Variants in GLI3 observed in about 807,000 individuals in gnomAD.
GLI3 encodes GLI family zinc finger 3, also known as transcription activator GLI3.
Under a neutral mutation model 100.8 loss-of-function variants are expected in GLI3, and 20 were observed. That is an observed-to-expected ratio of 0.20 (90% CI 0.14 to 0.29). The LOEUF (loss-of-function observed/expected upper bound fraction) is 0.29, where lower values mean the gene tolerates loss of function less well. Among genes scored for constraint, GLI3 ranks in the 10% least tolerant of loss-of-function variants. The probability of loss-of-function intolerance (pLI) is 1.00; values close to 1 mark genes in which losing one functional copy is unlikely to be tolerated. For synonymous variants in GLI3, 938 were observed against 860.5 expected, an observed-to-expected ratio of 1.09 and a Z score of -1.58; for missense variants, 2,040 against 2,128.5, an observed-to-expected ratio of 0.96 and a Z score of 0.82.
intron 11 of GLI3, 48 bp from the exon 12 acceptor site, chr7:41,977,770 AGCTTAT>A (rs1412610378): frequency 2.0e-6 from 3 of 1,534,426 alleles, no homozygotes; most frequent in Middle Eastern, 1.7e-4. Context: ...TGGCAACAGC[AGCTTAT>A]GCCTAACACG....
intron 2 of GLI3, among the ~76,000 whole-genome samples, chr7:42,170,287 T>C (rs370164643): frequency 0.024 from 2,995 of 123,940 alleles, 95 homozygotes; most frequent in African/African-American, 0.085. Flanking sequence ...TATATATATA[T>C]ACACACACAT....
At chr7:42,062,061 G>C (rs974097074) in intron 4 of GLI3, among the ~76,000 whole-genome samples, 2 of 152,088 alleles carry the variant, frequency 1.3e-5, no homozygotes, top group Non-Finnish European at 2.9e-5. Context: ...AGAATTACTT[G>C]TTCATATTAC....
At chr7:42,230,104 G>GGC (rs1788667913) in intron 1 of GLI3, among the ~76,000 whole-genome samples, 1 of 119,636 alleles carries the variant, frequency 8.4e-6, no homozygotes, top group Admixed American at 8.2e-5. Context: ...TGGGCGGGGG[G>GGC]GGGGGGGGTG....
At chr7:42,078,874 C>T (rs546590022) in intron 3 of GLI3, among the ~76,000 whole-genome samples, 54 of 152,010 alleles carry the variant, frequency 3.6e-4, no homozygotes, top group Non-Finnish European at 4.7e-4. Context: ...GGACTACAGG[C>T]GCCCGCCACC....
chr7:42,172,181 C>A lies in GLI3; in HGVS notation c.125-23713G>T, dbSNP rs140493996. On this transcript the variant is annotated intron_variant, in intron 2 of 14. Transcript: ENST00000395925. ...CTGTACGTAGGCCCGTTATCTCCTT[C>A]GTAGTTCTCTTCATAAGAGAAGTTT... is the stretch of plus-strand genomic sequence containing the variant. 2.4e-3 allele frequency among the ~76,000 whole-genome samples: 372 copies of A among 152,066 alleles called. 2 individuals carry two copies. Among genetic ancestry groups the A allele is most frequent in the African/African-American group, 8.3e-3 (344 of 41,474 alleles).
intron 2 of GLI3, among the ~76,000 whole-genome samples, chr7:42,168,480 A>C (rs958618145): frequency 2.0e-5 from 3 of 152,240 alleles, no homozygotes; most frequent in Non-Finnish European, 1.5e-5. Context: ...ACAGATTCAT[A>C]AATTGTGATA....
chr7:41,977,408 C>G lies in GLI3; in HGVS notation c.1812+150G>C. ...CCAGTTTCCAGTCCCACCTAGGAAG[C>G]TCAAGCCTTCACCTGCAGGGGCAGA... is the stretch of plus-strand genomic sequence containing the variant. On this transcript the variant is annotated intron_variant, in intron 12 of 14. Coordinates refer to ENST00000395925, the MANE Select transcript of GLI3 (RefSeq NM_000168.6). 3.8e-6 allele frequency: 3 copies of G among 787,514 alleles called. No individual in the cohort carries two copies. In the South Asian group the frequency reaches 4.4e-5, roughly 12 times the overall value. The allele number at this position is 787,514 out of a possible 1,614,324, so 48.8% of individuals were successfully genotyped here. A position where few individuals can be genotyped will look rare whatever the true frequency, so the allele number is the denominator to read the frequency against.
At chr7:42,127,787 T>C (rs889130187) in intron 3 of GLI3, among the ~76,000 whole-genome samples, 8 of 152,132 alleles carry the variant, frequency 5.3e-5, no homozygotes, top group Non-Finnish European at 1.0e-4. Flanking sequence ...GGCAGCAGAT[T>C]GCTTGAGCTC....
At chr7:42,071,342 G>A (rs1296482107) in intron 4 of GLI3, among the ~76,000 whole-genome samples, 1 of 152,030 alleles carries the variant, frequency 6.6e-6, no homozygotes, top group Non-Finnish European at 1.5e-5. Flanking sequence ...GGTGGAGGAG[G>A]CGGGGGGAAA....
chr7:42,119,196 C>G lies in GLI3; in HGVS notation c.367+29030G>C, dbSNP rs574724727. Among the ~76,000 whole-genome samples the G allele has an allele frequency of 7.2e-5, 11 of 152,322 alleles. No homozygotes were observed. In the South Asian group the frequency reaches 2.3e-3, roughly 32 times the overall value. On this transcript the variant is annotated intron_variant, in intron 3 of 14. Coordinates refer to ENST00000395925, the MANE Select transcript of GLI3 (RefSeq NM_000168.6). ...CTTCTATTAGAAAAAGGGATCTTGT[C>G]AATGAATGTGTCCTGTGTCTACATT...
At chr7:42,246,053 C>T (rs1162198446) in intron 1 of GLI3, among the ~76,000 whole-genome samples, 1 of 152,150 alleles carries the variant, frequency 6.6e-6, no homozygotes, top group African/African-American at 2.4e-5. Flanking sequence ...GTTGAATTGC[C>T]TTGGACAGAG....
chr7:41,965,445 C>T lies in GLI3; in HGVS notation c.3628G>A (p.Ala1210Thr). 6.2e-7 allele frequency: 1 copy of T among 1,608,002 alleles called. No homozygotes were observed. ...HPQNPLRSGP[A>T]GGYQTLGENS... The stretch of plus-strand genomic sequence containing the variant: ...TCCCCGAGGGTCTGATAGCCCCCAG[C>T]AGGCCCGCTCCTCAAGGGGTTCTGC... The change falls in exon 15 of 15, where the codon GCT (alanine) becomes ACT (threonine). Residue 1210 changes from alanine to threonine, a missense_variant. By Grantham distance (58) the Ala-to-Thr change is moderately conservative (BLOSUM62 0). Transcript: ENST00000395925.
intron 1 of GLI3, among the ~76,000 whole-genome samples, chr7:42,223,680 C>A (rs1429844079): frequency 6.6e-6 from 1 of 152,142 alleles, no homozygotes; most frequent in Non-Finnish European, 1.5e-5. Context: ...CAGGAAGGGG[C>A]ATTTGAACAA....
At chr7:42,187,210 CA>C (rs5883817) in intron 2 of GLI3, among the ~76,000 whole-genome samples, 36,248 of 116,702 alleles carry the variant, frequency 0.31, 4,595 homozygotes, top group African/African-American at 0.47. Flanking sequence ...GACCCTGTCT[CA>C]AAAAAAAAAA....
chr7:42,152,704 CG>C (rs1786902888), intron 2 of GLI3, among the ~76,000 whole-genome samples: 4 of 152,144 alleles, frequency 2.6e-5, no homozygotes, highest in African/African-American at 9.7e-5. Context: ...GCTAAATAAA[CG>C]GTTTTACAAA....
intron 1 of GLI3, among the ~76,000 whole-genome samples, chr7:42,227,238 A>G (rs1474274603): frequency 2.0e-5 from 3 of 152,044 alleles, no homozygotes; most frequent in Admixed American, 2.0e-4. Context: ...CATTACATGC[A>G]AGATTTGCTG....
At position 42,219,491 on chromosome 7, in the gene GLI3, A is replaced by T. The variant is rs149537783; in HGVS notation, c.124+3639T>A. Among the ~76,000 whole-genome samples, 639 of 152,248 alleles carry T rather than the reference A, an allele frequency of 4.2e-3. 4 individuals are homozygous for T. Among genetic ancestry groups the T allele is most frequent in the African/African-American group, 0.014 (581 of 41,524 alleles). On this transcript the variant is annotated intron_variant, in intron 2 of 14. Coordinates refer to ENST00000395925, the MANE Select transcript of GLI3 (RefSeq NM_000168.6). ...TTGCATTATTTTAAATTTCAGTGTT[A>T]AGTGGCAAATGCTTCTTTAAAAAGC... is the stretch of plus-strand genomic sequence containing the variant.
intron 3 of GLI3, among the ~76,000 whole-genome samples, chr7:42,128,027 A>AAAAAAAG (rs1554331514): frequency 6.3e-4 from 92 of 146,930 alleles, no homozygotes; most frequent in African/African-American, 1.4e-3. Flanking sequence ...TCAAAAAAAA[A>AAAAAAAG]AAAAAGAAAA....
intron 10 of GLI3, among the ~76,000 whole-genome samples, chr7:41,992,679 G>C (rs1018369434): frequency 6.6e-6 from 1 of 152,142 alleles, no homozygotes; most frequent in Admixed American, 6.5e-5. Context: ...AACAAAAAAA[G>C]AAAGTAAAGG....
Sources: allele counts gnomAD v4.1 joint callset (sites outside exome capture counted in the v4.1 genomes callset), GRCh38; gene constraint gnomAD v4.1.1; transcripts MANE v1.5; gene names NCBI Gene and HGNC (gene_info 2026-07-23, HGNC 2026-07-21).